The following ADAMTS20 variants were observed in gnomAD, a reference collection of about 807,000 sequenced individuals.
ADAMTS20 encodes A disintegrin and metalloproteinase with thrombospondin motifs 20.
ADAMTS20 carries 225 observed loss-of-function variants against 260.1 expected under a neutral mutation model. The ratio of observed to expected loss-of-function variants is 0.87; its 90% CI spans 0.78 to 0.97. ADAMTS20 has a LOEUF of 0.97. Among genes scored for constraint, ADAMTS20 ranks in the 50% least tolerant of loss-of-function variants. The pLI, the probability that ADAMTS20 is intolerant of heterozygous loss-of-function variation, is 0.00. For synonymous variants in ADAMTS20, 802 were observed against 769.5 expected, an observed-to-expected ratio of 1.04 and a Z score of -0.70; for missense variants, 2,400 against 2,337.7, an observed-to-expected ratio of 1.03 and a Z score of -0.55.
At chr12:43,507,776 G>A (rs535828888) in intron 3 of ADAMTS20, among the ~76,000 whole-genome samples, 6 of 152,230 alleles carry the variant, frequency 3.9e-5, no homozygotes, top group Admixed American at 6.5e-5. Context: ...TAAAGAAAAC[G>A]TGGTATATAT....
chr12:43,408,285 G>C (rs1202214722), intron 28 of ADAMTS20, among the ~76,000 whole-genome samples: 1 of 152,108 alleles, frequency 6.6e-6, no homozygotes, highest in Non-Finnish European at 1.5e-5. Context: ...TTCCTGGACT[G>C]ACAAATGCAG....
At chr12:43,368,827 TA>T (rs1443766223) in intron 37 of ADAMTS20, among the ~76,000 whole-genome samples, 1 of 151,984 alleles carries the variant, frequency 6.6e-6, no homozygotes, top group Non-Finnish European at 1.5e-5. Context: ...ACTCTAGAAA[TA>T]AAGGATAAAA....
chr12:43,466,113 A>G lies in ADAMTS20; in HGVS notation c.1367+539T>C, dbSNP rs568664338. On this transcript the variant is annotated intron_variant, in intron 9 of 38. Transcript: ENST00000389420. ...AAGGAAGGTGGAGAAATGAGGCAAG[A>G]AAAACCTGGATCTACTACCTCTCTG... 3.3e-5 allele frequency among the ~76,000 whole-genome samples: 5 copies of G among 152,144 alleles called. No individual in the cohort carries two copies. The South Asian group carries it at 1.0e-3, about 32-fold the overall frequency.
intron 18 of ADAMTS20, among the ~76,000 whole-genome samples, chr12:43,436,186 A>G (rs1941551495): frequency 6.6e-6 from 1 of 152,250 alleles, no homozygotes; most frequent in South Asian, 2.1e-4. Flanking sequence ...CTAAGCCTGC[A>G]AAGTGGGAAA....
chr12:43,544,608 G>C (rs941556945), intron 2 of ADAMTS20, among the ~76,000 whole-genome samples: 1 of 152,138 alleles, frequency 6.6e-6, no homozygotes, highest in African/African-American at 2.4e-5. Context: ...GCTCAAAATG[G>C]ATCAGGAAGG....
intron 31 of ADAMTS20, among the ~76,000 whole-genome samples, chr12:43,378,725 A>T (rs1415552968): frequency 6.6e-6 from 1 of 152,186 alleles, no homozygotes; most frequent in Non-Finnish European, 1.5e-5. Flanking sequence ...GGAAAATAAG[A>T]CTCATAATGA....
intron 10 of ADAMTS20, among the ~76,000 whole-genome samples, chr12:43,463,214 T>A (rs1181175889): frequency 6.6e-6 from 1 of 152,332 alleles, no homozygotes; most frequent in South Asian, 2.1e-4. Context: ...TTTAAAAAAA[T>A]TTTATTCATA....
chr12:43,449,758 A>G (rs1357735568), intron 14 of ADAMTS20, among the ~76,000 whole-genome samples: 1 of 152,194 alleles, frequency 6.6e-6, no homozygotes, highest in African/African-American at 2.4e-5. Context: ...TTCAAAATAT[A>G]TACTCATCTA....
chr12:43,421,441 T>A (rs1269028835), intron 28 of ADAMTS20, among the ~76,000 whole-genome samples: 1 of 152,076 alleles, frequency 6.6e-6, no homozygotes, highest in Non-Finnish European at 1.5e-5. Flanking sequence ...GATTTCATTC[T>A]ATGTGAGGAA....
intron 4 of ADAMTS20, among the ~76,000 whole-genome samples, chr12:43,501,481 G>GCGCACACACACACACACACACACA (rs373746834): frequency 2.4e-3 from 278 of 117,784 alleles, no homozygotes; most frequent in East Asian, 0.01. Context: ...GCGCGCGCGC[G>GCGCACACACACACACACACACACA]CACACACACA....
At chr12:43,428,974 T>A (rs1259229609) in intron 24 of ADAMTS20, among the ~76,000 whole-genome samples, 175 bp from the exon 25 acceptor site, 3 of 152,164 alleles carry the variant, frequency 2.0e-5, no homozygotes, top group Non-Finnish European at 4.4e-5. Flanking sequence ...GGGTAGTGAA[T>A]ATTCCAATCA....
Position 43,446,658 on chromosome 12 carries a change from C to T in ADAMTS20, c.2134G>A (p.Val712Met), listed in dbSNP as rs1941766680. Residue 712 changes from valine to methionine, a missense_variant, in exon 15 of 39, where the codon GTG (valine) becomes ATG (methionine). Physicochemically the swap from Val to Met is conservative, Grantham distance 21. Coordinates refer to ENST00000389420, the MANE Select transcript of ADAMTS20 (RefSeq NM_025003.5). ...NSSAKIDKCG[V>M]CGGDNSSCKT... ...CATGAAGAGTTGTCCCCACCACACACTCCACATTTGTCTATCTTGGCACTG... is the reference window on the plus strand; with the variant it reads ...CATGAAGAGTTGTCCCCACCACACATTCCACATTTGTCTATCTTGGCACTG... 6.2e-7 allele frequency: 1 copy of T among 1,613,448 alleles called. No individual in the cohort carries two copies. The highest frequency in any genetic ancestry group is 8.5e-7 in the Non-Finnish European group (1 of 1,179,556).
At chr12:43,483,658 T>C (rs1419930557) in intron 7 of ADAMTS20, among the ~76,000 whole-genome samples, 4 of 152,146 alleles carry the variant, frequency 2.6e-5, no homozygotes, top group African/African-American at 9.7e-5. Flanking sequence ...GGGTTGGGAA[T>C]GTGACTGGGT....
downstream of ADAMTS20, among the ~76,000 whole-genome samples, chr12:43,353,590 C>G (rs535433265): frequency 4.0e-5 from 6 of 151,878 alleles, no homozygotes; most frequent in Admixed American, 3.3e-4. Flanking sequence ...TTTTAATACA[C>G]AATTTGTACC....
chr12:43,536,193 A>C (rs275380), intron 2 of ADAMTS20, among the ~76,000 whole-genome samples: 141,829 of 152,114 alleles, frequency 0.93, 66,494 homozygotes, highest in East Asian at 0.99. Context: ...AAATGAGGAA[A>C]AGAGAGGTTA....
chr12:43,527,316 A>T (rs996446026), intron 3 of ADAMTS20, among the ~76,000 whole-genome samples: 3 of 152,196 alleles, frequency 2.0e-5, no homozygotes, highest in East Asian at 3.8e-4. Flanking sequence ...AAATTGAGAA[A>T]CAGGGAATCC....
intron 3 of ADAMTS20, among the ~76,000 whole-genome samples, chr12:43,513,956 T>C (rs1321075226): frequency 6.6e-6 from 1 of 151,302 alleles, no homozygotes; most frequent in Non-Finnish European, 1.5e-5. Flanking sequence ...ATATACCTAA[T>C]GTTAAATGAC....
At chr12:43,540,643 A>G (rs1943364287) in intron 2 of ADAMTS20, among the ~76,000 whole-genome samples, 1 of 152,172 alleles carries the variant, frequency 6.6e-6, no homozygotes. Context: ...CAGACTTAAA[A>G]AAAAAACAGG....
Position 43,441,311 on chromosome 12 carries a change from G to A in ADAMTS20, c.2291-1242C>T, listed in dbSNP as rs565278006. Among the ~76,000 whole-genome samples the A allele has an allele frequency of 4.6e-5, 7 of 151,614 alleles. No individual in the cohort carries two copies. In the East Asian group the frequency reaches 1.4e-3, roughly 29 times the overall value. On this transcript the variant is annotated intron_variant, in intron 16 of 38. Coordinates refer to ENST00000389420, the MANE Select transcript of ADAMTS20 (RefSeq NM_025003.5). ...ATACCTATAGAATATGTATATGTGT[G>A]TATATTTATTTATATACTATATATA...
Sources: gnomAD v4.1 joint callset for allele counts (sites outside exome capture counted in the v4.1 genomes callset) on GRCh38, gnomAD v4.1.1 for gene constraint, MANE v1.5 for transcripts, NCBI Gene and HGNC (gene_info 2026-07-23, HGNC 2026-07-21) for gene names.